SYNCRIP: variants seen among roughly 807,000 people sequenced by gnomAD.
SYNCRIP encodes the protein heterogeneous nuclear ribonucleoprotein Q.
SYNCRIP carries 9 observed loss-of-function variants against 68.9 expected under a neutral mutation model. The ratio of observed to expected loss-of-function variants is 0.13; its 90% CI spans 0.08 to 0.23. SYNCRIP has a LOEUF of 0.23. Among genes scored for constraint, SYNCRIP ranks in the 10% least tolerant of loss-of-function variants. The pLI is 1.00. For missense variants in SYNCRIP, 414 were observed against 770.6 expected, an observed-to-expected ratio of 0.54 and a Z score of 5.48; for synonymous variants, 258 against 254.0, an observed-to-expected ratio of 1.02 and a Z score of -0.15.
intron 7 of SYNCRIP, among the ~76,000 whole-genome samples, chr6:85,623,579 A>AAAAAAAC (rs1554184894): frequency 6.3e-4 from 79 of 125,834 alleles, no homozygotes; most frequent in Non-Finnish European, 1.0e-3. Flanking sequence ...AAAAAAAAAA[A>AAAAAAAC]AAAACACTCT....
chr6:85,618,674 G>C (rs995048264), intron 10 of SYNCRIP, 144 bp downstream of exon 10: 1 of 602,036 alleles, frequency 1.7e-6, no homozygotes, highest in African/African-American at 1.9e-5. Flanking sequence ...TAGATCACTG[G>C]TGTTTCCCTA....
intron 6 of SYNCRIP, among the ~76,000 whole-genome samples, chr6:85,631,555 C>G (rs1359078082): frequency 6.6e-6 from 1 of 152,132 alleles, no homozygotes; most frequent in African/African-American, 2.4e-5. Flanking sequence ...CTTCAGTAGT[C>G]TGAATGGTAC....
intron 6 of SYNCRIP, among the ~76,000 whole-genome samples, chr6:85,626,006 C>T (rs1806992288): frequency 6.6e-6 from 1 of 152,174 alleles, no homozygotes; most frequent in Non-Finnish European, 1.5e-5. Flanking sequence ...GACAGCCTGT[C>T]ACAAAGAATT....
chr6:85,632,500 CA>C (rs1807915453), intron 6 of SYNCRIP, among the ~76,000 whole-genome samples: 1 of 152,164 alleles, frequency 6.6e-6, no homozygotes, highest in African/African-American at 2.4e-5. Context: ...CAAATGAATA[CA>C]AAGTGGCAAA....
chr6:85,635,540 C>G (rs754694831), intron 6 of SYNCRIP, among the ~76,000 whole-genome samples: 7 of 152,062 alleles, frequency 4.6e-5, no homozygotes, highest in Non-Finnish European at 7.4e-5. Flanking sequence ...GGGGCTGAGG[C>G]AGGCATATCT....
rs1220164766 is a variant in SYNCRIP at position 85,640,553 on chromosome 6, G to A, written c.160C>T (p.His54Tyr). The change falls in exon 3 of 11, where the codon CAT becomes TAT. Residue 54 changes from histidine to tyrosine, a missense_variant. His to Tyr is a moderately conservative substitution (Grantham distance 83). Around this residue, in one of 6 missense-constraint regions of SYNCRIP, gnomAD observed 51 missense variants for 63.7 expected, o/e 0.80. Transcript: ENST00000369622. ...ATAGCTCTTTCATCTAAATCACTAT[G>A]TGCAACTAGCCCTGAAAAAAATAAA... ...DEIYVAGLVA[H>Y]SDLDERAIEA... 1 of 1,577,240 alleles carries A rather than the reference G, an allele frequency of 6.3e-7. No homozygotes were observed. Among genetic ancestry groups the A allele is most frequent in the Non-Finnish European group, 8.6e-7 (1 of 1,166,068 alleles).
rs764737935 is a variant in SYNCRIP, at chr6:85,615,191, A to C, written c.1437T>G (p.Gly479=). Residue 479 remains glycine (G), a synonymous_variant, in exon 11 of 11, where the codon GGT becomes GGG. Transcript: ENST00000369622. ...AACCATAGTATGGATCTTCATATCC[A>C]CCACGATAGTTATGGTAATCATAAC... ...YYGYDYHNYR[G]GYEDPYYGYE... 3.1e-6 allele frequency: 5 copies of C among 1,611,554 alleles called. 1 individual carries two copies. The African/African-American group carries it at 6.7e-5, about 22-fold the overall frequency.
chr6:85,635,307 A>G (rs1808311491), intron 6 of SYNCRIP, among the ~76,000 whole-genome samples: 1 of 152,226 alleles, frequency 6.6e-6, no homozygotes. Context: ...CCTCTAAAAC[A>G]CAAAGCACTC....
chr6:85,614,574 T>A lies in SYNCRIP; in HGVS notation c.*182A>T. On this transcript the variant is annotated 3_prime_UTR_variant, in exon 11 of 11. Coordinates refer to ENST00000369622, the MANE Select transcript of SYNCRIP (RefSeq NM_006372.5). ...TATCTTTATTGAAAAAAATTAAAAATAAAATCAGTTCGCCAGAAGCAGTTA... is the reference window on the plus strand; with the variant it reads ...TATCTTTATTGAAAAAAATTAAAAAAAAAATCAGTTCGCCAGAAGCAGTTA... 1 of 1,289,260 alleles carries A rather than the reference T, an allele frequency of 7.8e-7. No homozygotes were observed. Among genetic ancestry groups the A allele is most frequent in the Non-Finnish European group, 9.8e-7 (1 of 1,021,032 alleles). 79.9% of individuals were successfully genotyped at this position (1,289,260 alleles called of 1,614,324 possible).
Position 85,641,426 on chromosome 6 carries a change from T to C in SYNCRIP, c.14A>G (p.His5Arg). 1 of 1,612,814 alleles carries C rather than the reference T, an allele frequency of 6.2e-7. No homozygotes were observed. The highest frequency in any genetic ancestry group is 8.5e-7 in the Non-Finnish European group (1 of 1,179,762). Residue 5 changes from histidine (H) to arginine (R), a missense_variant, in exon 2 of 11, where the codon CAT becomes CGT. His to Arg is a conservative substitution (Grantham distance 29, BLOSUM62 0). This residue lies in a region of SYNCRIP where 51 missense variants were observed against 63.7 expected (regional missense o/e 0.80). Transcript: ENST00000369622. MATE[H>R]VNGNGTEEPM... ...CTCTTCAGTACCATTTCCATTAACA[T>C]GTTCTGTAGCCATGTTTCCAGAGAT...
At chr6:85,637,174 G>T (rs751890406) in intron 5 of SYNCRIP, 31 bp from the exon 6 acceptor site, 1 of 1,606,972 alleles carries the variant, frequency 6.2e-7, no homozygotes, top group African/African-American at 1.3e-5. Context: ...AAAAACCATG[G>T]AGAATTGCTT....
chr6:85,613,936 C>T, downstream of SYNCRIP: 1 of 967,612 alleles, frequency 1.0e-6, no homozygotes, highest in Non-Finnish European at 1.2e-6. Flanking sequence ...ACAGTTCATT[C>T]ATCACAATTA....
chr6:85,634,582 T>A (rs547668903), intron 6 of SYNCRIP, among the ~76,000 whole-genome samples: 1 of 75,584 alleles, frequency 1.3e-5, no homozygotes, highest in Non-Finnish European at 3.9e-5. Context: ...TGGTGTGTTG[T>A]TTTTTTTTTT....
Position 85,614,598 on chromosome 6 carries a change from T to C in SYNCRIP, c.*158A>G. The C allele has an allele frequency of 7.7e-7, 1 of 1,304,804 alleles. No individual in the cohort carries two copies. Among genetic ancestry groups the C allele is most frequent in the Non-Finnish European group, 9.7e-7 (1 of 1,027,636 alleles). The allele number at this position is 1,304,804 out of a possible 1,614,324, so 80.8% of individuals were successfully genotyped here. A position where few individuals can be genotyped will look rare whatever the true frequency, so the allele number is the denominator to read the frequency against. ...ATAAAATCAGTTCGCCAGAAGCAGT[T>C]AGAAGTGTGGCTTTGTTCGTGTCCA... On this transcript the variant is annotated 3_prime_UTR_variant, in exon 11 of 11. Coordinates refer to ENST00000369622, the MANE Select transcript of SYNCRIP (RefSeq NM_006372.5).
intron 6 of SYNCRIP, 86 bp downstream of exon 6, chr6:85,636,881 T>A: frequency 1.5e-6 from 2 of 1,335,640 alleles, no homozygotes; most frequent in Admixed American, 2.5e-5. Context: ...AAAAAATGTT[T>A]GGTAAACTCT....
Position 85,640,198 on chromosome 6 carries a change from A to G in SYNCRIP, c.375+23T>C, listed in dbSNP as rs765367812. 4 of 1,519,784 alleles carry G rather than the reference A, an allele frequency of 2.6e-6. No individual in the cohort carries two copies. In the East Asian group the frequency reaches 9.0e-5, roughly 34 times the overall value. The allele number at this position is 1,519,784 out of a possible 1,614,324, so 94.1% of individuals were successfully genotyped here. A position where few individuals can be genotyped will look rare whatever the true frequency, so the allele number is the denominator to read the frequency against. ...AAACAGTTAAAATGACTTTAAAACT[A>G]AAGGGAGTATAGAAAGACATACCTT... On this transcript the variant is annotated intron_variant, in intron 4 of 10. Coordinates refer to ENST00000369622, the MANE Select transcript of SYNCRIP (RefSeq NM_006372.5).
chr6:85,622,717 T>C (rs758175902), intron 7 of SYNCRIP, 30 bp from the exon 8 acceptor site: 10 of 1,558,072 alleles, frequency 6.4e-6, no homozygotes, highest in East Asian at 2.2e-5. Flanking sequence ...CCAGGAAAAT[T>C]AGATGAAATA....
intron 6 of SYNCRIP, among the ~76,000 whole-genome samples, chr6:85,633,652 C>T (rs1323260826): frequency 6.6e-6 from 1 of 152,172 alleles, no homozygotes; most frequent in African/African-American, 2.4e-5. Flanking sequence ...ATCCTACTGG[C>T]TGTATACCAA....
chr6:85,623,675 TAGAG>T (rs1806712295), intron 7 of SYNCRIP, among the ~76,000 whole-genome samples: 1 of 150,652 alleles, frequency 6.6e-6, no homozygotes, highest in African/African-American at 2.5e-5. Context: ...AACTAACACC[TAGAG>T]AAAGAACACA....
Sources: gnomAD v4.1 joint callset for allele counts (sites outside exome capture counted in the v4.1 genomes callset) on GRCh38, gnomAD v4.1.1 for gene constraint, gnomAD v4.1.1 regional missense constraint, MANE v1.5 for transcripts, NCBI Gene and HGNC (gene_info 2026-07-23, HGNC 2026-07-21) for gene names.